LPIN1: variants seen among roughly 807,000 people sequenced by gnomAD.
The protein encoded by LPIN1 is phosphatidate phosphatase LPIN1.
LPIN1 carries 71 observed loss-of-function variants against 107.5 expected under a neutral mutation model. The ratio of observed to expected loss-of-function variants is 0.66; its 90% confidence interval spans 0.55 to 0.80. The LOEUF (loss-of-function observed/expected upper bound fraction) is 0.80, where lower values mean the gene tolerates loss of function less well. Among genes scored for constraint, LPIN1 ranks in the 30% least tolerant of loss-of-function variants. The pLI, the probability that LPIN1 is intolerant of heterozygous loss-of-function variation, is 0.00. For synonymous variants in LPIN1, 445 were observed against 452.6 expected, an observed-to-expected ratio of 0.98 and a Z score of 0.21; for missense variants, 1,043 against 1,160.6, an observed-to-expected ratio of 0.90 and a Z score of 1.47.
intron 1 of LPIN1, among the ~76,000 whole-genome samples, chr2:11,700,737 G>T (rs572861698): frequency 6.6e-6 from 1 of 152,112 alleles, no homozygotes; most frequent in Non-Finnish European, 1.5e-5. Flanking sequence ...CTAATTAAAC[G>T]TCCCCCTGGG....
chr2:11,806,564 C>A (rs1233845323), intron 17 of LPIN1, among the ~76,000 whole-genome samples: 4 of 152,068 alleles, frequency 2.6e-5, no homozygotes, highest in South Asian at 2.1e-4. Flanking sequence ...GATTCCCCCC[C>A]ATCTCTCTAA....
Position 11,693,790 on chromosome 2 carries a change from A to ATATATATATG in LPIN1, c.81+16071_81+16072insGTATATATAT, listed in dbSNP as rs1336831927. On this transcript the variant is annotated intron_variant, in intron 1 of 21. Transcript: ENST00000449576. ...CATATATGTGTGTGTGTGAGTGTGT[A>ATATATATATG]TATATATATATATATATATATATAT... Among the ~76,000 whole-genome samples, 192 of 23,370 alleles carry ATATATATATG rather than the reference A, an allele frequency of 8.2e-3. 2 individuals are homozygous for ATATATATATG. The highest frequency in any genetic ancestry group is 0.035 in the African/African-American group (179 of 5,178). The allele number at this position is 23,370 out of a possible 152,430, so 15.3% of individuals were successfully genotyped here. A position where few individuals can be genotyped will look rare whatever the true frequency, so the allele number is the denominator to read the frequency against.
intron 7 of LPIN1, among the ~76,000 whole-genome samples, chr2:11,780,270 A>G (rs1249652300): frequency 6.6e-6 from 1 of 152,234 alleles, no homozygotes; most frequent in African/African-American, 2.4e-5. Flanking sequence ...ACTGTAAACA[A>G]AAATAGCTTC....
chr2:11,711,954 C>T lies in LPIN1; in HGVS notation c.82-1802C>T, dbSNP rs193300775. On this transcript the variant is annotated intron_variant, in intron 1 of 21. Coordinates refer to the LPIN1 transcript ENST00000449576. ...GACTCCAGTCCCCTTCCCCATTTGA[C>T]CATAGCCATTTCCCTTTTTTCTAAT... 1.6e-3 allele frequency among the ~76,000 whole-genome samples: 248 copies of T among 152,292 alleles called. 3 individuals carry two copies. Among genetic ancestry groups the T allele is most frequent in the Non-Finnish European group, 2.5e-4 (17 of 68,030 alleles).
rs1486273050 is a variant in LPIN1 at position 11,781,865 on chromosome 2, G to A, written c.958-336G>A. Among the ~76,000 whole-genome samples, 4 of 152,228 alleles carry A rather than the reference G, an allele frequency of 2.6e-5. 1 individual carries two copies. The highest frequency in any genetic ancestry group is 9.6e-5 in the African/African-American group (4 of 41,456). Reference sequence around the variant, plus strand: ...TGCAAGATTCATTCATGTTGTTGGTGTAGCTGTAATTCATTTATTCTCATG... The same window carrying A: ...TGCAAGATTCATTCATGTTGTTGGTATAGCTGTAATTCATTTATTCTCATG... On this transcript the variant is annotated intron_variant, in intron 7 of 20. Coordinates refer to ENST00000674199, the MANE Select transcript of LPIN1 (RefSeq NM_001349206.2).
chr2:11,797,590 C>G (rs575063267), intron 14 of LPIN1, among the ~76,000 whole-genome samples: 1 of 152,236 alleles, frequency 6.6e-6, no homozygotes, highest in Non-Finnish European at 1.5e-5. Context: ...AATGACTGCC[C>G]TATTGGATTT....
intron 1 of LPIN1, among the ~76,000 whole-genome samples, chr2:11,759,119 G>GCTTTCTTTCTTTCTTTT (rs1669119023): frequency 6.8e-6 from 1 of 147,644 alleles, no homozygotes; most frequent in African/African-American, 2.6e-5. Context: ...GAGCTAGCTA[G>GCTTTCTTTCTTTCTTTT]CTTGCTTTCT....
intron 1 of LPIN1, among the ~76,000 whole-genome samples, chr2:11,679,451 C>T (rs965468738): frequency 1.3e-5 from 2 of 152,200 alleles, no homozygotes; most frequent in African/African-American, 4.8e-5. Flanking sequence ...GAATATGTAG[C>T]ATATACAGGA....
At chr2:11,787,304 A>G in intron 11 of LPIN1, 137 bp downstream of exon 11, 2 of 694,036 alleles carry the variant, frequency 2.9e-6, no homozygotes, top group Non-Finnish European at 5.2e-6. Context: ...CATTATCTTC[A>G]CTGTGGTCAG....
At position 11,767,870 on chromosome 2, in the gene LPIN1, T is replaced by C; in HGVS notation, c.288+12T>C. The C allele has an allele frequency of 6.4e-7, 1 of 1,557,954 alleles. No homozygotes were observed. The highest frequency in any genetic ancestry group is 8.9e-7 in the Non-Finnish European group (1 of 1,128,746). ...CAGATAATGATCAGGTAAGGAAGCCTGGGTGGTCAGGGTTACTTCCTAGTT... is the reference window on the plus strand; with the variant it reads ...CAGATAATGATCAGGTAAGGAAGCCCGGGTGGTCAGGGTTACTTCCTAGTT... On this transcript the variant is annotated intron_variant, in intron 3 of 20. Transcript: ENST00000674199.
intron 11 of LPIN1, among the ~76,000 whole-genome samples, chr2:11,787,601 C>T (rs962450404): frequency 6.6e-6 from 1 of 151,882 alleles, no homozygotes; most frequent in Non-Finnish European, 1.5e-5. Context: ...TCACACTCTG[C>T]AGTACATGGG....
chr2:11,801,978 C>G (rs1384450264), intron 14 of LPIN1, among the ~76,000 whole-genome samples: 1 of 152,106 alleles, frequency 6.6e-6, no homozygotes, highest in East Asian at 1.9e-4. Context: ...TGTGTATACT[C>G]TAACCTTGCC....
intron 15 of LPIN1, among the ~76,000 whole-genome samples, chr2:11,804,178 A>G (rs192438163): frequency 2.6e-5 from 4 of 152,114 alleles, no homozygotes; most frequent in African/African-American, 9.6e-5. Context: ...AAGTAGAACA[A>G]CTCTGTAGCA....
At chr2:11,719,357 A>C (rs1008515444), upstream of LPIN1, among the ~76,000 whole-genome samples, 22 of 152,334 alleles carry the variant, frequency 1.4e-4, no homozygotes, top group Middle Eastern at 6.8e-3. Flanking sequence ...TGGAATAAAA[A>C]GTCCAGGAGC....
intron 1 of LPIN1, among the ~76,000 whole-genome samples, chr2:11,747,504 T>C (rs1335640556): frequency 6.6e-6 from 1 of 152,188 alleles, no homozygotes; most frequent in Non-Finnish European, 1.5e-5. Flanking sequence ...ACTGGCAGTA[T>C]TAATTTGGAG....
intron 1 of LPIN1, among the ~76,000 whole-genome samples, chr2:11,759,143 TTCTTTCTTTC>T (rs1669170830): frequency 7.6e-6 from 1 of 131,250 alleles, no homozygotes; most frequent in African/African-American, 3.0e-5. Context: ...TTTTCTTTCT[TTCTTTCTTTC>T]TTTCTTTCTT....
Position 11,767,832 on chromosome 2 carries a change from T to C in LPIN1, c.262T>C (p.Phe88Leu), listed in dbSNP as rs1287794681. Residue 88 changes from phenylalanine (F) to leucine (L), a missense_variant, in exon 3 of 21, where the codon TTT becomes CTT. Physicochemically the swap from Phe to Leu is conservative, Grantham distance 22. Transcript: ENST00000674199. ...MKLGDNGEAF[F>L]VQETDNDQEV... Reference sequence around the variant, plus strand: ...ATTGGGAGATAATGGAGAAGCATTTTTTGTTCAAGAAACAGATAATGATCA... The same window carrying C: ...ATTGGGAGATAATGGAGAAGCATTTCTTGTTCAAGAAACAGATAATGATCA... The C allele has an allele frequency of 1.2e-6, 2 of 1,612,468 alleles. No homozygotes were observed.
chr2:11,761,218 T>G (rs188102949), intron 1 of LPIN1, among the ~76,000 whole-genome samples: 1 of 152,350 alleles, frequency 6.6e-6, no homozygotes, highest in East Asian at 1.9e-4. Context: ...AAAATCTAAG[T>G]TCAACGTGGA....
At chr2:11,801,086 T>A (rs1677649030) in intron 14 of LPIN1, among the ~76,000 whole-genome samples, 2 of 152,158 alleles carry the variant, frequency 1.3e-5, no homozygotes, top group African/African-American at 4.8e-5. Context: ...ATGGCTATTA[T>A]CAAAAAGACA....
Sources: allele counts gnomAD v4.1 joint callset (sites outside exome capture counted in the v4.1 genomes callset), GRCh38; gene constraint gnomAD v4.1.1; transcripts MANE v1.5; gene names NCBI Gene and HGNC (gene_info 2026-07-23, HGNC 2026-07-21).